NOX1: variants seen among roughly 807,000 people sequenced by gnomAD.
NOX1 encodes NADH/NADPH mitogenic oxidase subunit P65-MOX.
Under a neutral mutation model 42.5 loss-of-function variants are expected in NOX1, and 34 were observed. The observed-to-expected ratio is 0.80, with a 90% confidence interval of 0.61 to 1.07. The LOEUF (loss-of-function observed/expected upper bound fraction) is 1.07, where lower values mean the gene tolerates loss of function less well. Among genes scored for constraint, NOX1 ranks in the 50% least tolerant of loss-of-function variants. NOX1 has a pLI of 0.00. For synonymous variants in NOX1, 143 were observed against 152.5 expected, an observed-to-expected ratio of 0.94 and a Z score of 0.46; for missense variants, 408 against 427.0, an observed-to-expected ratio of 0.96 and a Z score of 0.39.
intron 8 of NOX1, among the ~76,000 whole-genome samples, chrX:100,851,028 T>TG (rs1446277781): frequency 1.8e-5 from 2 of 109,487 alleles, no homozygotes; most frequent in Non-Finnish European, 3.8e-5. Flanking sequence ...TTATTAGAGA[T>TG]GGGGTTTCGC....
intron 2 of NOX1, among the ~76,000 whole-genome samples, chrX:100,865,916 C>T (rs141271558): frequency 8.9e-6 from 1 of 112,362 alleles, no homozygotes; most frequent in Non-Finnish European, 1.9e-5. Context: ...ACTGGTTAGG[C>T]ACTCACATGG....
chrX:100,845,133 T>G (rs1380840970), intron 12 of NOX1, among the ~76,000 whole-genome samples: 2 of 112,061 alleles, frequency 1.8e-5, no homozygotes, highest in Non-Finnish European at 3.8e-5. Flanking sequence ...GCCACAAAGT[T>G]ATGCAACCAT....
intron 9 of NOX1, 70 bp downstream of exon 9, chrX:100,850,081 C>T (rs1347362038): frequency 1.9e-5 from 20 of 1,025,872 alleles, no homozygotes; most frequent in South Asian, 1.3e-4. Context: ...TAAGATTCAA[C>T]GAAGAATTGC....
chrX:100,871,288 C>T (rs1000991488), intron 1 of NOX1, among the ~76,000 whole-genome samples: 1 of 111,892 alleles, frequency 8.9e-6, no homozygotes, highest in Non-Finnish European at 1.9e-5. Flanking sequence ...GGGACAGAGA[C>T]CATATGGCTT....
At position 100,843,775 on chromosome X, in the gene NOX1, T is replaced by C; in HGVS notation, c.*177A>G. 1 of 435,647 alleles carries C rather than the reference T, an allele frequency of 2.3e-6. No individual in the cohort carries two copies. Among genetic ancestry groups the C allele is most frequent in the Non-Finnish European group, 3.9e-6 (1 of 255,149 alleles). The allele number at this position is 435,647 out of a possible 1,213,427, so 35.9% of individuals were successfully genotyped here. On this transcript the variant is annotated 3_prime_UTR_variant, in exon 13 of 13. Transcript: ENST00000372966. ...AGAACTTTAAGAACTTCAGAAGTTC[T>C]TAAGTTGCTGAAGCTCAAGTAACGA...
chrX:100,865,813 A>T (rs1422312901), intron 2 of NOX1, among the ~76,000 whole-genome samples: 1 of 112,323 alleles, frequency 8.9e-6, no homozygotes, highest in Non-Finnish European at 1.9e-5. Flanking sequence ...TCAAGACACT[A>T]ACTTGATGTC....
chrX:100,846,491 G>A (rs2085073992), intron 12 of NOX1, among the ~76,000 whole-genome samples: 1 of 111,012 alleles, frequency 9.0e-6, no homozygotes, highest in Non-Finnish European at 1.9e-5. Context: ...TATTGACCAC[G>A]CTTCTCTAAT....
chrX:100,851,088 CCTT>C (rs1168525050), intron 8 of NOX1, 142 bp downstream of exon 8: 10 of 382,827 alleles, frequency 2.6e-5, no homozygotes, highest in Non-Finnish European at 3.6e-5. Flanking sequence ...GATCTGCCCT[CCTT>C]GGCCTCCCAA....
intron 11 of NOX1, 37 bp downstream of exon 11, chrX:100,849,243 T>C: frequency 8.4e-7 from 1 of 1,191,143 alleles, no homozygotes; most frequent in Non-Finnish European, 1.1e-6. Flanking sequence ...ATTCGTCTTA[T>C]GTTTAGTAGG....
chrX:100,862,893 A>C, intron 4 of NOX1, 73 bp from the exon 5 acceptor site: 1 of 970,236 alleles, frequency 1.0e-6, no homozygotes, highest in South Asian at 2.1e-5. Flanking sequence ...CCACTAGACT[A>C]GAAGAATCCT....
chrX:100,856,097 G>T (rs1192854313), intron 7 of NOX1: 14 of 1,047,563 alleles, frequency 1.3e-5, no homozygotes, highest in African/African-American at 1.8e-5. Flanking sequence ...TGGTCTTTGA[G>T]AATCTTCTCT....
At chrX:100,851,997 A>G (rs1569445068) in intron 7 of NOX1, among the ~76,000 whole-genome samples, 1 of 112,408 alleles carries the variant, frequency 8.9e-6, no homozygotes, top group Non-Finnish European at 1.9e-5. Context: ...AAACCAACAG[A>G]GAAAGTAGAT....
intron 7 of NOX1, 59 bp downstream of exon 7, chrX:100,862,112 A>G: frequency 1.8e-6 from 2 of 1,114,231 alleles, no homozygotes; most frequent in Admixed American, 4.8e-5. Context: ...GAGTAATAAT[A>G]AGAATAATAA....
chrX:100,845,114 T>C (rs1400203984), intron 12 of NOX1, among the ~76,000 whole-genome samples: 1 of 112,064 alleles, frequency 8.9e-6, no homozygotes, highest in Non-Finnish European at 1.9e-5. Flanking sequence ...ATTTGTGCTT[T>C]TTAGCACAGC....
At position 100,849,036 on chromosome X, in the gene NOX1, A is replaced by G. The variant is rs781235464; in HGVS notation, c.1443+244T>C. ...GGTTGTGGTGAGCCAAGATCGCACC[A>G]TTGCACTCCAGCCTGTGCAACAAGA... On this transcript the variant is annotated intron_variant, in intron 11 of 12. Transcript: ENST00000372966. 2.3e-3 allele frequency among the ~76,000 whole-genome samples: 250 copies of G among 111,090 alleles called. 1 individual carries two copies. The highest frequency in any genetic ancestry group is 7.7e-3 in the African/African-American group (234 of 30,559).
chrX:100,860,137 C>G (rs890557870), intron 7 of NOX1, among the ~76,000 whole-genome samples: 2 of 111,090 alleles, frequency 1.8e-5, no homozygotes, highest in African/African-American at 6.5e-5. Flanking sequence ...AGAGACTGGT[C>G]CCTATTAGTG....
intron 7 of NOX1, among the ~76,000 whole-genome samples, chrX:100,853,429 T>TCTTTCTTTCTTTC (rs1266551383): frequency 9.9e-6 from 1 of 101,403 alleles, no homozygotes; most frequent in Non-Finnish European, 2.0e-5. Flanking sequence ...CTTTCTTTTT[T>TCTTTCTTTCTTTC]TTTTTTGACA....
At chrX:100,868,036 G>A (rs2085250587) in intron 2 of NOX1, among the ~76,000 whole-genome samples, 1 of 112,242 alleles carries the variant, frequency 8.9e-6, no homozygotes, top group African/African-American at 3.2e-5. Context: ...TTTTGGTCAT[G>A]TAGTAATCAA....
At position 100,858,021 on chromosome X, in the gene NOX1, G is replaced by T. The variant is rs1243132849; in HGVS notation, c.804+4150C>A. ...CTATGTCCTGAATGGTATTGCCTAG[G>T]TTGTCTTCCAGGGTGGTTGTCTTCT... On this transcript the variant is annotated intron_variant, in intron 7 of 12. Coordinates refer to ENST00000372966, the MANE Select transcript of NOX1 (RefSeq NM_007052.5). Among the ~76,000 whole-genome samples, 3 of 111,599 alleles carry T rather than the reference G, an allele frequency of 2.7e-5. No homozygotes were observed. In the South Asian group the frequency reaches 1.1e-3, roughly 42 times the overall value.
Sources: allele counts gnomAD v4.1 joint callset (sites outside exome capture counted in the v4.1 genomes callset), GRCh38; gene constraint gnomAD v4.1.1; transcripts MANE v1.5; gene names NCBI Gene and HGNC (gene_info 2026-07-23, HGNC 2026-07-21).